Variants in UGT1A9 observed in about 807,000 individuals in gnomAD.
UGT1A9 encodes the protein UDP glucuronosyltransferase family 1 member A9, also known as UDP-glucuronosyltransferase 1A9.
UGT1A9 carries 35 observed loss-of-function variants against 45.0 expected under a neutral mutation model. The observed-to-expected ratio is 0.78, with a 90% CI of 0.59 to 1.03. The LOEUF (loss-of-function observed/expected upper bound fraction) is 1.03, where lower values mean the gene tolerates loss of function less well. Ranked by LOEUF, UGT1A9 falls within the 50% of genes least tolerant of loss-of-function variation. The pLI is 0.00. For synonymous variants in UGT1A9, 278 were observed against 250.6 expected (o/e 1.11, Z -1.03); for missense variants, 687 against 666.6 (o/e 1.03, Z -0.34).
chr2:233,772,831 T>TCACACAAGAAAG lies in UGT1A9; in HGVS notation c.*273_*274insACACAAGAAAGC. 2 of 893,952 alleles carry TCACACAAGAAAG rather than the reference T, an allele frequency of 2.2e-6. No individual in the cohort carries two copies. Among genetic ancestry groups the TCACACAAGAAAG allele is most frequent in the Non-Finnish European group, 3.1e-6 (2 of 642,656 alleles). 55.4% of individuals were successfully genotyped at this position (893,952 alleles called of 1,614,324 possible). A position where few individuals can be genotyped will look rare whatever the true frequency, so the allele number is the denominator to read the frequency against. On this transcript the variant is annotated 3_prime_UTR_variant, in exon 5 of 5. Transcript: ENST00000354728. ...AGAGGACGTGCAGACAGGCTGGCAT[T>TCACACAAGAAAG]CTAGATTACTTTTCTTACTCTGAAA...
chr2:233,714,943 C>T (rs2076424694), intron 1 of UGT1A9, among the ~76,000 whole-genome samples: 1 of 152,186 alleles, frequency 6.6e-6, no homozygotes, highest in Non-Finnish European at 1.5e-5. Context: ...GTGGTGGGAT[C>T]TTGGCTCATT....
intron 1 of UGT1A9, among the ~76,000 whole-genome samples, chr2:233,695,452 C>T (rs114490104): frequency 7.8e-4 from 118 of 151,598 alleles, no homozygotes; most frequent in African/African-American, 2.4e-3. Flanking sequence ...TTTTGATCAA[C>T]GTGCTTTATT....
chr2:233,682,367 G>A, intron 1 of UGT1A9: 2 of 1,614,052 alleles, frequency 1.2e-6, no homozygotes, highest in South Asian at 1.1e-5. Flanking sequence ...TTGTTTTGAT[G>A]CAGTGTTTCT....
intron 1 of UGT1A9, among the ~76,000 whole-genome samples, chr2:233,739,362 G>T (rs1691069001): frequency 1.3e-5 from 2 of 152,136 alleles, no homozygotes; most frequent in South Asian, 2.1e-4. Context: ...AGATCCAATA[G>T]CTTGCACTGT....
intron 1 of UGT1A9, among the ~76,000 whole-genome samples, chr2:233,696,658 T>C (rs770952566): frequency 5.3e-5 from 8 of 152,210 alleles, no homozygotes; most frequent in Non-Finnish European, 1.0e-4. Context: ...CTTCCAGTAC[T>C]ATGAAGAATA....
chr2:233,727,376 G>A lies in UGT1A9; in HGVS notation c.856-39658G>A, dbSNP rs2077610923. The stretch of plus-strand genomic sequence containing the variant: ...TATCCTTAGGGCCCCTAGGTCTCTG[G>A]AGTACCACCGTCTTCCAAGATACAT... On this transcript the variant is annotated intron_variant, in intron 1 of 4. Transcript: ENST00000354728. Among the ~76,000 whole-genome samples the A allele has an allele frequency of 2.0e-5, 3 of 152,142 alleles. No homozygotes were observed. The South Asian group carries it at 6.2e-4, about 32-fold the overall frequency.
chr2:233,741,163 A>G (rs1015106485), intron 1 of UGT1A9, among the ~76,000 whole-genome samples: 3 of 151,960 alleles, frequency 2.0e-5, no homozygotes, highest in Non-Finnish European at 2.9e-5. Flanking sequence ...AATCCAGGAT[A>G]TATCAAAACT....
At chr2:233,728,928 C>G (rs545859432) in intron 1 of UGT1A9, among the ~76,000 whole-genome samples, 4,928 of 152,196 alleles carry the variant, frequency 0.032, 259 homozygotes, top group African/African-American at 0.11. Context: ...TAGTCATGAT[C>G]GGTCTTTTCC....
rs190865559 is a variant in UGT1A9 at position 233,744,424 on chromosome 2, A to G, written c.856-22610A>G. 3.3e-5 allele frequency among the ~76,000 whole-genome samples: 5 copies of G among 151,988 alleles called. No individual in the cohort carries two copies. The East Asian group carries it at 9.6e-4, about 29-fold the overall frequency. On this transcript the variant is annotated intron_variant, in intron 1 of 4. Coordinates refer to ENST00000354728, the MANE Select transcript of UGT1A9 (RefSeq NM_021027.3). ...CCATTTGCTTTTGTTCATGTGGATT[A>G]TATCTATCATACGTACTGCATTAGA...
At chr2:233,724,617 C>T (rs553228713) in intron 1 of UGT1A9, among the ~76,000 whole-genome samples, 3,256 of 135,154 alleles carry the variant, frequency 0.024, 113 homozygotes, top group African/African-American at 0.056. Context: ...CGGGCAGAGA[C>T]GCTCCTCACT....
chr2:233,712,304 GA>G, intron 1 of UGT1A9, among the ~76,000 whole-genome samples: 1 of 152,194 alleles, frequency 6.6e-6, no homozygotes, highest in African/African-American at 2.4e-5. Context: ...TGTAGATGGA[GA>G]ATCCTCAACA....
At chr2:233,739,806 T>C (rs11695770) in intron 1 of UGT1A9, among the ~76,000 whole-genome samples, 15,021 of 151,014 alleles carry the variant, frequency 0.099, 1,689 homozygotes, top group African/African-American at 0.28. Context: ...TGGGAAGGCA[T>C]GATTGGTTTT....
At chr2:233,759,330 G>A (rs1053848979) in intron 1 of UGT1A9, among the ~76,000 whole-genome samples, 20 of 152,160 alleles carry the variant, frequency 1.3e-4, no homozygotes, top group Admixed American at 1.3e-3. Flanking sequence ...TTAATTGGTT[G>A]GTTCAGGTGA....
intron 1 of UGT1A9, among the ~76,000 whole-genome samples, chr2:233,741,256 C>A (rs1347287188): frequency 6.6e-6 from 1 of 151,868 alleles, no homozygotes; most frequent in African/African-American, 2.4e-5. Flanking sequence ...GTATGCCACT[C>A]TTTGCTGACC....
Position 233,767,897 on chromosome 2 carries a change from A to G in UGT1A9, c.1036A>G (p.Thr346Ala). Residue 346 changes from threonine to alanine, a missense_variant, in exon 3 of 5, where the codon ACG becomes GCG. Thr to Ala is a moderately conservative substitution (Grantham distance 58). Transcript: ENST00000354728. ...CCGACCATCGAATCTTGCGAACAAC[A>G]CGATACTTGTTAAGTGGCTACCCCA... is the stretch of plus-strand genomic sequence containing the variant. The part of the protein sequence containing the change: ...GTRPSNLANN[T>A]ILVKWLPQND... The G allele has an allele frequency of 1.9e-6, 3 of 1,614,178 alleles. No homozygotes were observed. Among genetic ancestry groups the G allele is most frequent in the Non-Finnish European group, 1.7e-6 (2 of 1,180,044 alleles).
chr2:233,706,605 TAAG>T (rs1165362415), intron 1 of UGT1A9, among the ~76,000 whole-genome samples: 1 of 152,152 alleles, frequency 6.6e-6, no homozygotes, highest in Non-Finnish European at 1.5e-5. Flanking sequence ...AAGTATGTGA[TAAG>T]AAGACTAGAG....
At chr2:233,693,581 C>T in intron 1 of UGT1A9, 1 of 1,614,212 alleles carries the variant, frequency 6.2e-7, no homozygotes, top group Non-Finnish European at 8.5e-7. Flanking sequence ...GTCCTACATT[C>T]CCAGGTGCTA....
chr2:233,736,619 C>G (rs1245621807), intron 1 of UGT1A9, among the ~76,000 whole-genome samples: 1 of 152,186 alleles, frequency 6.6e-6, no homozygotes, highest in Non-Finnish European at 1.5e-5. Flanking sequence ...GAATTTTCAG[C>G]TTTTCTGCTC....
intron 1 of UGT1A9, chr2:233,755,670 G>A (rs1695987366): frequency 6.3e-6 from 1 of 158,018 alleles, no homozygotes. Flanking sequence ...AGAGGGTGGT[G>A]GGAGTGAGTT....
Sources: allele counts gnomAD v4.1 joint callset (sites outside exome capture counted in the v4.1 genomes callset), GRCh38; gene constraint gnomAD v4.1.1; transcripts MANE v1.5; gene names NCBI Gene and HGNC (gene_info 2026-07-23, HGNC 2026-07-21).